IREB2: variants seen among roughly 807,000 people sequenced by gnomAD.
IREB2 encodes the protein iron-responsive element-binding protein 2.
IREB2 carries 39 observed loss-of-function variants against 118.8 expected under a neutral mutation model. The ratio of observed to expected loss-of-function variants is 0.33; its 90% CI spans 0.25 to 0.43. The LOEUF is 0.43. Ranked by LOEUF, IREB2 falls within the 20% of genes least tolerant of loss-of-function variation. The pLI is 1.00. For synonymous variants in IREB2, 372 were observed against 392.2 expected, an observed-to-expected ratio of 0.95 and a Z score of 0.61; for missense variants, 900 against 1,147.3, an observed-to-expected ratio of 0.78 and a Z score of 3.11.
At chr15:78,477,757 C>G (rs2051495820) in intron 9 of IREB2, among the ~76,000 whole-genome samples, 1 of 151,812 alleles carries the variant, frequency 6.6e-6, no homozygotes. Context: ...CCCATCTGTA[C>G]AAGAAAATTA....
chr15:78,471,681 G>C, intron 6 of IREB2, 60 bp from the exon 7 acceptor site: 1 of 1,065,546 alleles, frequency 9.4e-7, no homozygotes, highest in Admixed American at 2.6e-5. Flanking sequence ...ATTACACCTT[G>C]ATTGTGAGCA....
intron 8 of IREB2, chr15:78,474,150 C>T (rs949084641): frequency 2.6e-5 from 4 of 152,142 alleles, no homozygotes; most frequent in Admixed American, 2.0e-4. Context: ...TCCTAAATGT[C>T]TGGCCTTTGC....
intron 5 of IREB2, among the ~76,000 whole-genome samples, chr15:78,469,073 G>A (rs924519884): frequency 2.0e-5 from 3 of 151,982 alleles, no homozygotes; most frequent in African/African-American, 7.3e-5. Flanking sequence ...TTTTGACTCC[G>A]AATTACAAAG....
At chr15:78,483,561 C>A (rs2051611321) in intron 11 of IREB2, 127 bp downstream of exon 11, 2 of 581,628 alleles carry the variant, frequency 3.4e-6, no homozygotes, top group East Asian at 2.7e-5. Context: ...ACCAGCAGCC[C>A]CCTTATTTTC....
At chr15:78,441,057 A>G (rs931615980) in intron 2 of IREB2, among the ~76,000 whole-genome samples, 1 of 152,304 alleles carries the variant, frequency 6.6e-6, no homozygotes, top group African/African-American at 2.4e-5. Context: ...AAGGAGCTTT[A>G]ATCTTGTTTT....
At chr15:78,483,498 C>A (rs989678562) in intron 11 of IREB2, 64 bp downstream of exon 11, 3 of 843,184 alleles carry the variant, frequency 3.6e-6, no homozygotes, top group Non-Finnish European at 4.1e-6. Flanking sequence ...AAAGAACCAA[C>A]AAGGTGACCC....
In IREB2 at chr15:78,493,988, A is replaced by G. The variant is rs772019330; in HGVS notation, c.2404A>G (p.Ile802Val). The G allele has an allele frequency of 2.8e-5, 45 of 1,614,042 alleles. 1 individual carries two copies. In the South Asian group the frequency reaches 4.7e-4, roughly 17 times the overall value. The change falls in exon 19 of 22, where the codon ATC (isoleucine) becomes GTC (valine). Residue 802 changes from isoleucine to valine, a missense_variant. Coordinates refer to ENST00000258886, the MANE Select transcript of IREB2 (RefSeq NM_004136.4). Reference sequence around the variant, plus strand: ...AATGACAAGAGGCACTTTTGCAAATATCAAGCTTTTTAATAAGTTTATTGG... The same window carrying G: ...AATGACAAGAGGCACTTTTGCAAATGTCAAGCTTTTTAATAAGTTTATTGG... ...AVMTRGTFAN[I>V]KLFNKFIGKP... is the part of the protein sequence containing the mutation.
intron 10 of IREB2, among the ~76,000 whole-genome samples, chr15:78,480,674 A>G (rs4503761): frequency 0.97 from 133,093 of 137,320 alleles, 64,638 homozygotes; most frequent in Middle Eastern, 1. Context: ...GGGCAACAGA[A>G]TGAGACTGTC....
intron 2 of IREB2, among the ~76,000 whole-genome samples, chr15:78,450,822 ATTTGTGTG>A (rs1449238681): frequency 1.7e-5 from 2 of 121,200 alleles, no homozygotes; most frequent in Admixed American, 8.7e-5. Flanking sequence ...ATATTAACAA[ATTTGTGTG>A]TGTGTGTGTG....
intron 21 of IREB2, among the ~76,000 whole-genome samples, chr15:78,497,784 AT>A (rs2051862926): frequency 6.6e-6 from 1 of 152,222 alleles, no homozygotes; most frequent in Admixed American, 6.5e-5. Context: ...AACTTCCCCA[AT>A]TAATAAGTCA....
In IREB2 at chr15:78,501,276, T is replaced by C. The variant is rs1311504010; in HGVS notation, c.*3133T>C. 6.6e-6 allele frequency: 1 copy of C among 152,568 alleles called. No homozygotes were observed. Among genetic ancestry groups the C allele is most frequent in the African/African-American group, 2.4e-5 (1 of 41,438 alleles). The allele number at this position is 152,568 out of a possible 1,614,324, so 9.5% of individuals were successfully genotyped here. A position where few individuals can be genotyped will look rare whatever the true frequency, so the allele number is the denominator to read the frequency against. ...AGTAATCACTTTGTCTATCACTAAGTAATAGACAAAAATCATTGTCTATTA... is the reference window on the plus strand; with the variant it reads ...AGTAATCACTTTGTCTATCACTAAGCAATAGACAAAAATCATTGTCTATTA... On this transcript the variant is annotated 3_prime_UTR_variant, in exon 22 of 22. Transcript: ENST00000258886.
At chr15:78,481,377 G>A in intron 10 of IREB2, among the ~76,000 whole-genome samples, 1 of 146,692 alleles carries the variant, frequency 6.8e-6, no homozygotes, top group South Asian at 2.2e-4. Context: ...TTTTTTTTTT[G>A]AGAGAATCTC....
intron 7 of IREB2, among the ~76,000 whole-genome samples, chr15:78,472,237 G>C (rs530631241): frequency 6.6e-6 from 1 of 152,200 alleles, no homozygotes; most frequent in East Asian, 1.9e-4. Context: ...GCTTCTCCTG[G>C]TCTTCTTTAT....
chr15:78,462,887 G>C, intron 2 of IREB2, 35 bp from the exon 3 acceptor site: 1 of 1,504,898 alleles, frequency 6.6e-7, no homozygotes, highest in Non-Finnish European at 9.0e-7. Flanking sequence ...AGGTATGACT[G>C]TTTGCTTATT....
intron 7 of IREB2, among the ~76,000 whole-genome samples, chr15:78,472,237 G>A (rs530631241): frequency 1.3e-5 from 2 of 152,082 alleles, no homozygotes; most frequent in Admixed American, 1.3e-4. Context: ...GCTTCTCCTG[G>A]TCTTCTTTAT....
intron 20 of IREB2, among the ~76,000 whole-genome samples, chr15:78,494,573 A>T (rs2051807772): frequency 6.6e-6 from 1 of 151,764 alleles, no homozygotes; most frequent in Non-Finnish European, 1.5e-5. Flanking sequence ...CCTATTGATC[A>T]TTTTTTTTGG....
At position 78,488,206 on chromosome 15, in the gene IREB2, A is replaced by G; in HGVS notation, c.1821A>G (p.Leu607=). The G allele has an allele frequency of 6.2e-7, 1 of 1,607,666 alleles. No individual in the cohort carries two copies. The highest frequency in any genetic ancestry group is 8.5e-7 in the Non-Finnish European group (1 of 1,178,246). The change falls in exon 15 of 22, where the codon TTA becomes TTG. Residue 607 remains leucine (L), a synonymous_variant. Transcript: ENST00000258886. ...GTGATTTGGTTACCTGTGGAATTTT[A>G]TCTGGAAACAAAAATTTTGAAGGTC... ...KQGDLVTCGI[L]SGNKNFEGRL... is the part of the protein sequence containing the mutation.
chr15:78,465,236 T>C lies in IREB2; in HGVS notation c.273-15T>C. The C allele has an allele frequency of 6.3e-7, 1 of 1,595,382 alleles. No homozygotes were observed. Among genetic ancestry groups the C allele is most frequent in the South Asian group, 1.1e-5 (1 of 87,668 alleles). On this transcript the variant is annotated splice_polypyrimidine_tract_variant and intron_variant, in intron 3 of 21. Transcript: ENST00000258886. ...AACAATTTGGACTATAATTTGACCA[T>C]TCTTTATTTTTTAGTGGAATACCAG...
intron 2 of IREB2, among the ~76,000 whole-genome samples, chr15:78,449,849 C>A (rs572330428): frequency 2.6e-5 from 4 of 152,054 alleles, no homozygotes; most frequent in Non-Finnish European, 5.9e-5. Flanking sequence ...CACTAAGTAA[C>A]TGATCAAAAG....
Sources: gnomAD v4.1 joint callset for allele counts (sites outside exome capture counted in the v4.1 genomes callset) on GRCh38, gnomAD v4.1.1 for gene constraint, MANE v1.5 for transcripts, NCBI Gene and HGNC (gene_info 2026-07-23, HGNC 2026-07-21) for gene names.